Variants in CAMTA1 observed in about 807,000 individuals in gnomAD.
The protein encoded by CAMTA1 is calmodulin binding transcription activator 1, also known as calmodulin-binding transcription activator 1.
CAMTA1 carries 27 observed loss-of-function variants against 170.9 expected under a neutral mutation model. That is an observed-to-expected ratio of 0.16 (90% CI 0.12 to 0.22). The LOEUF is 0.22. CAMTA1 is among the 10% of genes least tolerant of loss of function. The probability of loss-of-function intolerance (pLI) is 1.00; values close to 1 mark genes in which losing one functional copy is unlikely to be tolerated. For missense variants in CAMTA1, 1,619 were observed against 2,217.2 expected, an observed-to-expected ratio of 0.73 and a Z score of 5.42; for synonymous variants, 833 against 891.5, an observed-to-expected ratio of 0.93 and a Z score of 1.17.
intron 4 of CAMTA1, among the ~76,000 whole-genome samples, chr1:7,233,341 G>A (rs1290875474): frequency 2.6e-5 from 4 of 152,178 alleles, no homozygotes; most frequent in Non-Finnish European, 5.9e-5. Context: ...TGGCATTGGA[G>A]CAGGGCTCCC....
intron 3 of CAMTA1, among the ~76,000 whole-genome samples, chr1:6,927,342 A>AT (rs957867271): frequency 6.6e-6 from 1 of 152,132 alleles, no homozygotes; most frequent in African/African-American, 2.4e-5. Context: ...CGCCTCAGTG[A>AT]TTTTTTTTCC....
At chr1:6,907,409 G>T (rs560699177) in intron 3 of CAMTA1, among the ~76,000 whole-genome samples, 2 of 152,220 alleles carry the variant, frequency 1.3e-5, no homozygotes, top group East Asian at 1.9e-4. Flanking sequence ...TCTACGCAGG[G>T]TGCATGCAGA....
At chr1:6,944,014 A>G (rs1238443773) in intron 3 of CAMTA1, among the ~76,000 whole-genome samples, 2 of 152,036 alleles carry the variant, frequency 1.3e-5, no homozygotes, top group East Asian at 1.9e-4. Context: ...CCTGTTAAGC[A>G]CGAACTCTCC....
chr1:6,979,814 C>T (rs901609376), intron 3 of CAMTA1, among the ~76,000 whole-genome samples: 6 of 150,806 alleles, frequency 4.0e-5, no homozygotes, highest in East Asian at 1.9e-4. Context: ...AGAGGACCCC[C>T]GGCACCCGGG....
intron 4 of CAMTA1, among the ~76,000 whole-genome samples, chr1:7,211,112 A>G (rs991397767): frequency 1.3e-5 from 2 of 152,250 alleles, no homozygotes; most frequent in African/African-American, 4.8e-5. Flanking sequence ...CTATTCAGCT[A>G]TCCACCCAGC....
At chr1:7,536,641 G>T (rs1434241844) in intron 6 of CAMTA1, among the ~76,000 whole-genome samples, 1 of 152,184 alleles carries the variant, frequency 6.6e-6, no homozygotes, top group African/African-American at 2.4e-5. Context: ...TGGGACACCG[G>T]CCCCTGGGTC....
At position 7,664,135 on chromosome 1, in the gene CAMTA1, A is replaced by G; in HGVS notation, c.1588A>G (p.Lys530Glu). The G allele has an allele frequency of 1.9e-6, 3 of 1,613,282 alleles. No individual in the cohort carries two copies. The highest frequency in any genetic ancestry group is 2.5e-6 in the Non-Finnish European group (3 of 1,180,040). Residue 530 changes from lysine to glutamate, a missense_variant, in exon 9 of 23, where the codon AAG becomes GAG. By Grantham distance (56) the Lys-to-Glu change is moderately conservative. Coordinates refer to ENST00000303635, the MANE Select transcript of CAMTA1 (RefSeq NM_015215.4). ...CTTCAGCTTTACCACCGTCCTCACCAAGGAGATCAAGACCGAGGACACCTC... is the reference window on the plus strand; with the variant it reads ...CTTCAGCTTTACCACCGTCCTCACCGAGGAGATCAAGACCGAGGACACCTC... Reference protein sequence around the residue: ...RSFSFTTVLTKEIKTEDTSFE... With the variant: ...RSFSFTTVLTEEIKTEDTSFE...
chr1:6,893,002 C>T (rs948928068), intron 3 of CAMTA1, among the ~76,000 whole-genome samples: 2 of 152,032 alleles, frequency 1.3e-5, no homozygotes, highest in Middle Eastern at 3.2e-3. Context: ...GAGCTGTGGC[C>T]GGGCGCGGTG....
intron 6 of CAMTA1, among the ~76,000 whole-genome samples, chr1:7,597,988 G>A (rs1172395529): frequency 6.6e-6 from 1 of 151,398 alleles, no homozygotes; most frequent in African/African-American, 2.4e-5. Flanking sequence ...ACAATGTGCA[G>A]GTTTGTTACA....
At chr1:7,277,161 A>G (rs1409967020) in intron 5 of CAMTA1, among the ~76,000 whole-genome samples, 6 of 152,354 alleles carry the variant, frequency 3.9e-5, no homozygotes, top group Non-Finnish European at 8.8e-5. Flanking sequence ...TATAGCTTCA[A>G]TGCTATCCCT....
intron 4 of CAMTA1, among the ~76,000 whole-genome samples, chr1:7,148,576 C>T (rs1356238613): frequency 2.0e-5 from 3 of 152,218 alleles, no homozygotes; most frequent in Admixed American, 1.3e-4. Context: ...CCAGTCCCCA[C>T]GTTGCCACCT....
Position 7,333,764 on chromosome 1 carries a change from A to T in CAMTA1, c.438+84138A>T, listed in dbSNP as rs2083178811. 6.6e-6 allele frequency among the ~76,000 whole-genome samples: 1 copy of T among 152,218 alleles called. No homozygotes were observed. The highest frequency in any genetic ancestry group is 1.5e-5 in the Non-Finnish European group (1 of 68,042). ...ATACCACGGACTAGGTTTAAAAATCAACTTTAGATTTGCTTTGCCGTTTGC... is the reference window on the plus strand; with the variant it reads ...ATACCACGGACTAGGTTTAAAAATCTACTTTAGATTTGCTTTGCCGTTTGC... On this transcript the variant is annotated intron_variant, in intron 5 of 22. Transcript: ENST00000303635. This position sits in a 1 kb window ranked among gnomAD's most constrained non-coding sequence, Gnocchi z 4.4.
At chr1:7,112,496 A>G (rs1014335112) in intron 4 of CAMTA1, among the ~76,000 whole-genome samples, 1 of 152,224 alleles carries the variant, frequency 6.6e-6, no homozygotes, top group Non-Finnish European at 1.5e-5. Context: ...ATGGCTGACC[A>G]TGGCCGAGCC....
At chr1:7,499,252 CATGA>C (rs1372639189) in intron 6 of CAMTA1, among the ~76,000 whole-genome samples, 1 of 79,570 alleles carries the variant, frequency 1.3e-5, no homozygotes, top group Non-Finnish European at 2.5e-5. Flanking sequence ...CATGTGTGTA[CATGA>C]GTGAGTGTGT....
At chr1:6,976,051 C>T (rs986385615) in intron 3 of CAMTA1, among the ~76,000 whole-genome samples, 2 of 152,210 alleles carry the variant, frequency 1.3e-5, no homozygotes, top group African/African-American at 2.4e-5. Context: ...AATGCTCACT[C>T]GAGCCAGGCA....
chr1:7,672,306 T>C (rs918638164), intron 10 of CAMTA1, among the ~76,000 whole-genome samples: 3 of 152,148 alleles, frequency 2.0e-5, no homozygotes. Context: ...GCCTGAGCCT[T>C]GGCTGCCCCA....
At chr1:7,351,002 T>C (rs2084628879) in intron 5 of CAMTA1, among the ~76,000 whole-genome samples, 1 of 152,192 alleles carries the variant, frequency 6.6e-6, no homozygotes. Context: ...TGCCCATGGG[T>C]CCTCTAGGCC....
At chr1:6,937,229 C>G (rs1286331114) in intron 3 of CAMTA1, among the ~76,000 whole-genome samples, 3 of 151,668 alleles carry the variant, frequency 2.0e-5, no homozygotes, top group Non-Finnish European at 4.4e-5. Flanking sequence ...TCACCACTTA[C>G]CACCACTATC....
chr1:7,105,897 C>T (rs1337143814), intron 4 of CAMTA1, among the ~76,000 whole-genome samples: 2 of 151,492 alleles, frequency 1.3e-5, no homozygotes, highest in East Asian at 1.9e-4. Context: ...GCCGAGATCA[C>T]GCACCGTACT....
Sources: gnomAD v4.1 joint callset for allele counts (sites outside exome capture counted in the v4.1 genomes callset) on GRCh38, gnomAD v4.1.1 for gene constraint, Gnocchi (gnomAD v3.1) non-coding constraint, MANE v1.5 for transcripts, NCBI Gene and HGNC (gene_info 2026-07-23, HGNC 2026-07-21) for gene names.